ACYP1: variants seen among roughly 807,000 people sequenced by gnomAD.
ACYP1 encodes acylphosphatase-1.
ACYP1 carries 8 observed loss-of-function variants against 10.4 expected under a neutral mutation model. The observed-to-expected ratio is 0.77, with a 90% CI of 0.45 to 1.38. ACYP1 has a LOEUF of 1.38. Among genes scored for constraint, ACYP1 ranks in the 40% most tolerant of loss-of-function variants. The pLI, the probability that ACYP1 is intolerant of heterozygous loss-of-function variation, is 0.00. For missense variants in ACYP1, 93 were observed against 117.3 expected, an observed-to-expected ratio of 0.79 and a Z score of 0.96; for synonymous variants, 38 against 40.8, an observed-to-expected ratio of 0.93 and a Z score of 0.26.
chr14:75,060,063 G>A (rs1302123077), intron 2 of ACYP1: 1 of 468,404 alleles, frequency 2.1e-6, no homozygotes, highest in African/African-American at 2.0e-5. Context: ...TAAGACCACT[G>A]AATTGTACAT....
chr14:75,055,378 C>A (rs2139645946), intron 2 of ACYP1, among the ~76,000 whole-genome samples: 1 of 151,478 alleles, frequency 6.6e-6, no homozygotes, highest in African/African-American at 2.4e-5. Context: ...TGAGCCACTG[C>A]ACCTGGCCTT....
chr14:75,053,368 C>A lies in ACYP1; in HGVS notation c.*76G>T. 7.6e-7 allele frequency: 1 copy of A among 1,309,748 alleles called. No homozygotes were observed. 81.1% of individuals were successfully genotyped at this position (1,309,748 alleles called of 1,614,324 possible). A position where few individuals can be genotyped will look rare whatever the true frequency, so the allele number is the denominator to read the frequency against. ...ACTTATTGACTAATGCTAATATTAA[C>A]ACACAATAGTTCTATCTCTATTAAT... is the stretch of plus-strand genomic sequence containing the variant. On this transcript the variant is annotated 3_prime_UTR_variant, in exon 3 of 3. Coordinates refer to ENST00000238618, the MANE Select transcript of ACYP1 (RefSeq NM_001107.5).
intron 2 of ACYP1, chr14:75,060,011 T>C (rs2139653410): frequency 8.6e-6 from 3 of 349,146 alleles, no homozygotes; most frequent in African/African-American, 2.1e-5. Flanking sequence ...TTTTGCAAGA[T>C]GAAAAGCGTT....
chr14:75,063,585 A>G lies in ACYP1; in HGVS notation c.-8-24T>C, dbSNP rs781558539. On this transcript the variant is annotated intron_variant, in intron 1 of 2. Coordinates refer to ENST00000238618, the MANE Select transcript of ACYP1 (RefSeq NM_001107.5). ...ACCTGTCAGAAACCAGGAAAGCAGA[A>G]GAGTGAAGGGCTATTATTCCAGGAC... 9 of 1,591,210 alleles carry G rather than the reference A, an allele frequency of 5.7e-6. No homozygotes were observed. The South Asian group carries it at 6.7e-5, about 12-fold the overall frequency.
At chr14:75,063,841 C>T (rs1365863551) in intron 1 of ACYP1, 113 bp downstream of exon 1, 1 of 804,234 alleles carries the variant, frequency 1.2e-6, no homozygotes, top group African/African-American at 1.8e-5. Context: ...CATGCCCGGT[C>T]CCGCTCCCTC....
At chr14:75,065,730 C>T (rs114136582), upstream of ACYP1, among the ~76,000 whole-genome samples, 974 of 152,282 alleles carry the variant, frequency 6.4e-3, 11 homozygotes, top group African/African-American at 0.023. Context: ...CAGGAACCAG[C>T]CCTGTGCTAT....
chr14:75,069,315 C>G, exon 1 of ACYP1: 1 of 1,423,272 alleles, frequency 7.0e-7, no homozygotes, highest in African/African-American at 1.5e-5. Context: ...CACGCGGAGG[C>G]ACAGCCAGGG....
intron 2 of ACYP1, among the ~76,000 whole-genome samples, chr14:75,055,158 C>T (rs954572313): frequency 1.4e-5 from 2 of 146,334 alleles, no homozygotes; most frequent in Non-Finnish European, 3.0e-5. Context: ...GTGATCTCAG[C>T]TCACTGCAAG....
In ACYP1 at chr14:75,053,272, T is replaced by A; in HGVS notation, c.*172A>T. On this transcript the variant is annotated 3_prime_UTR_variant, in exon 3 of 3. Coordinates refer to ENST00000238618, the MANE Select transcript of ACYP1 (RefSeq NM_001107.5). ...GTTCTAACGTTTTTATTGATTAGAT[T>A]TGTGTACAGTGGTAATCCTTCCATC... The A allele has an allele frequency of 1.6e-6, 1 of 636,022 alleles. No individual in the cohort carries two copies. The highest frequency in any genetic ancestry group is 2.7e-6 in the Non-Finnish European group (1 of 371,922). 39.4% of individuals were successfully genotyped at this position (636,022 alleles called of 1,614,324 possible).
At chr14:75,064,060 T>C, upstream of ACYP1, 1 of 986,594 alleles carries the variant, frequency 1.0e-6, no homozygotes, top group Admixed American at 6.0e-5. Context: ...GTGTAGCTGC[T>C]CCTTCGCTGT....
intron 2 of ACYP1, among the ~76,000 whole-genome samples, chr14:75,062,412 A>G (rs551117294): frequency 6.6e-6 from 1 of 151,998 alleles, no homozygotes; most frequent in South Asian, 2.1e-4. Context: ...GAAAAAAAAA[A>G]GAAAAAGGGA....
upstream of ACYP1, among the ~76,000 whole-genome samples, chr14:75,068,543 G>GGAA (rs1020234851): frequency 6.6e-6 from 1 of 151,566 alleles, no homozygotes; most frequent in Non-Finnish European, 1.5e-5. Flanking sequence ...AGGGAGAGGA[G>GGAA]GAAGAAGAGA....
exon 1 of ACYP1, chr14:75,069,430 C>T: frequency 1.5e-6 from 1 of 656,012 alleles, no homozygotes; most frequent in East Asian, 3.3e-5. Context: ...CCTCTCCCGC[C>T]CCTCCCCGGC....
chr14:75,054,246 C>T (rs1252712273), intron 2 of ACYP1, among the ~76,000 whole-genome samples: 1 of 151,874 alleles, frequency 6.6e-6, no homozygotes, highest in Non-Finnish European at 1.5e-5. Context: ...AGCCAAAGCC[C>T]ACTTTATTAT....
chr14:75,067,785 G>A (rs1207072602), upstream of ACYP1, among the ~76,000 whole-genome samples: 1 of 151,942 alleles, frequency 6.6e-6, no homozygotes, highest in African/African-American at 2.4e-5. Context: ...TTTGACTCCA[G>A]GGGTTTGAGA....
upstream of ACYP1, chr14:75,064,194 C>G (rs1364731441): frequency 5.0e-6 from 1 of 198,336 alleles, no homozygotes; most frequent in East Asian, 1.8e-4. Flanking sequence ...GGGGATCTGT[C>G]CAGGAACTCG....
At chr14:75,066,816 C>T (rs900985349), upstream of ACYP1, among the ~76,000 whole-genome samples, 15 of 152,098 alleles carry the variant, frequency 9.9e-5, no homozygotes, top group African/African-American at 3.4e-4. Flanking sequence ...CGCGCCACTC[C>T]ACCCCCATCT....
exon 1 of ACYP1, chr14:75,069,327 C>T (rs1199072462): frequency 2.9e-6 from 4 of 1,402,724 alleles, no homozygotes; most frequent in Admixed American, 6.7e-5. Flanking sequence ...CAGCCAGGGC[C>T]TCCGCCCTTT....
At position 75,053,255 on chromosome 14, in the gene ACYP1, G is replaced by A. The variant is rs1188538007; in HGVS notation, c.*189C>T. 6.6e-6 allele frequency: 4 copies of A among 602,926 alleles called. No individual in the cohort carries two copies. Among genetic ancestry groups the A allele is most frequent in the East Asian group, 2.9e-5 (1 of 33,978 alleles). 37.3% of individuals were successfully genotyped at this position (602,926 alleles called of 1,614,324 possible). A position where few individuals can be genotyped will look rare whatever the true frequency, so the allele number is the denominator to read the frequency against. On this transcript the variant is annotated 3_prime_UTR_variant, in exon 3 of 3. Transcript: ENST00000238618. Reference sequence around the variant, plus strand: ...AGTACTCTAAGCAGAAGGTTCTAACGTTTTTATTGATTAGATTTGTGTACA... The same window carrying A: ...AGTACTCTAAGCAGAAGGTTCTAACATTTTTATTGATTAGATTTGTGTACA...
Sources: gnomAD v4.1 joint callset for allele counts (sites outside exome capture counted in the v4.1 genomes callset) on GRCh38, gnomAD v4.1.1 for gene constraint, MANE v1.5 for transcripts, NCBI Gene and HGNC (gene_info 2026-07-23, HGNC 2026-07-21) for gene names.